NRAP: variants seen among roughly 807,000 people sequenced by gnomAD.
The protein encoded by NRAP is nebulin-related-anchoring protein.
Under a neutral mutation model 225.9 loss-of-function variants are expected in NRAP, and 189 were observed. That is an observed-to-expected ratio of 0.84 (90% confidence interval 0.74 to 0.94). The LOEUF (loss-of-function observed/expected upper bound fraction) is 0.94. NRAP is among the 40% of genes least tolerant of loss of function. NRAP has a pLI of 0.00. For synonymous variants in NRAP, 769 were observed against 790.7 expected (o/e 0.97, Z 0.46); for missense variants, 2,176 against 2,168.7 (o/e 1.00, Z -0.07).
chr10:113,655,164 A>G (rs1850230337), intron 4 of NRAP, among the ~76,000 whole-genome samples: 1 of 152,242 alleles, frequency 6.6e-6, no homozygotes, highest in African/African-American at 2.4e-5. Context: ...CACTTATCTG[A>G]CAATACCAAG....
intron 5 of NRAP, among the ~76,000 whole-genome samples, chr10:113,653,518 A>G (rs959390544): frequency 5.9e-5 from 9 of 152,220 alleles, no homozygotes; most frequent in African/African-American, 2.2e-4. Flanking sequence ...TTTTCTAAAG[A>G]AAAGTCATGA....
intron 18 of NRAP, among the ~76,000 whole-genome samples, chr10:113,631,015 A>C (rs1848544409): frequency 6.6e-6 from 1 of 152,080 alleles, no homozygotes; most frequent in Non-Finnish European, 1.5e-5. Context: ...TCCAGCTATT[A>C]CAGTTGTTTA....
chr10:113,648,465 CTCTA>C (rs1236467182), intron 9 of NRAP, among the ~76,000 whole-genome samples: 266 of 105,268 alleles, frequency 2.5e-3, no homozygotes, highest in African/African-American at 8.1e-3. Context: ...CTCTCTCTCT[CTCTA>C]TATATATATA....
chr10:113,608,470 C>T lies in NRAP; in HGVS notation c.3646G>A (p.Val1216Met), dbSNP rs543559358. The T allele has an allele frequency of 1.2e-6, 2 of 1,613,732 alleles. No homozygotes were observed. Among genetic ancestry groups the T allele is most frequent in the Admixed American group, 1.7e-5 (1 of 59,978 alleles). ...TGAAGGAGGTTGGGAGTGTCTGTCACAGCTGTGTACTTGAATGAGTGGGGA... is the reference window on the plus strand; with the variant it reads ...TGAAGGAGGTTGGGAGTGTCTGTCATAGCTGTGTACTTGAATGAGTGGGGA... ...QHPHSFKYTA[V>M]TDTPNLLHAK... Residue 1216 changes from valine (V) to methionine (M), a missense_variant, in exon 32 of 42, where the codon GTG becomes ATG. Coordinates refer to ENST00000359988, the MANE Select transcript of NRAP (RefSeq NM_198060.4).
chr10:113,650,189 A>G, intron 8 of NRAP, 48 bp from the exon 9 acceptor site: 1 of 1,155,582 alleles, frequency 8.7e-7, no homozygotes, highest in Non-Finnish European at 1.3e-6. Flanking sequence ...TCCCATGCAC[A>G]GGAGCCAAAA....
At chr10:113,590,957 G>A (rs1845946822) in intron 39 of NRAP, 68 bp from the exon 40 acceptor site, 4 of 1,386,604 alleles carry the variant, frequency 2.9e-6, no homozygotes, top group South Asian at 1.3e-5. Flanking sequence ...TCACATATGG[G>A]GCCATCCCAG....
At chr10:113,616,619 A>G (rs1198380124) in intron 26 of NRAP, among the ~76,000 whole-genome samples, 2 of 152,256 alleles carry the variant, frequency 1.3e-5, no homozygotes, top group African/African-American at 4.8e-5. Flanking sequence ...AGATTCTGAC[A>G]GGCACTCAGG....
At chr10:113,640,467 T>C (rs750774756) in intron 13 of NRAP, 136 bp from the exon 14 acceptor site, 87 of 534,338 alleles carry the variant, frequency 1.6e-4, no homozygotes, top group Non-Finnish European at 2.6e-4. Flanking sequence ...AAAATTAAAT[T>C]ATGTTCACAC....
intron 23 of NRAP, 72 bp from the exon 24 acceptor site, chr10:113,622,252 A>T: frequency 9.7e-7 from 1 of 1,026,318 alleles, no homozygotes; most frequent in South Asian, 1.5e-5. Context: ...GACTCCATGC[A>T]TGGGAGCTGA....
intron 26 of NRAP, 26 bp downstream of exon 26, chr10:113,617,429 C>A: frequency 7.9e-7 from 1 of 1,272,884 alleles, no homozygotes; most frequent in Non-Finnish European, 1.2e-6. Context: ...CTCTTAGAGT[C>A]ATAATGTATA....
chr10:113,633,237 G>C (rs1285644181), intron 15 of NRAP, 49 bp from the exon 16 acceptor site: 2 of 1,038,238 alleles, frequency 1.9e-6, no homozygotes, highest in East Asian at 2.4e-5. Flanking sequence ...GGCAGAAAGA[G>C]AACTTTAGGG....
chr10:113,654,688 T>TC (rs1251700873), intron 4 of NRAP, among the ~76,000 whole-genome samples: 4 of 152,250 alleles, frequency 2.6e-5, no homozygotes, highest in African/African-American at 9.6e-5. Context: ...AAGAGATGGG[T>TC]CCCATATGGG....
chr10:113,594,025 T>C (rs1846142604), intron 38 of NRAP, among the ~76,000 whole-genome samples: 1 of 152,230 alleles, frequency 6.6e-6, no homozygotes, highest in African/African-American at 2.4e-5. Flanking sequence ...ACTTCCTCCC[T>C]GAGTTTTTTA....
chr10:113,598,630 T>A (rs1846424744), intron 35 of NRAP, among the ~76,000 whole-genome samples: 1 of 152,098 alleles, frequency 6.6e-6, no homozygotes, highest in South Asian at 2.1e-4. Context: ...ACTCTTTAAG[T>A]TAGATTTTTT....
At chr10:113,598,666 G>A (rs548691479) in intron 35 of NRAP, among the ~76,000 whole-genome samples, 2 of 152,230 alleles carry the variant, frequency 1.3e-5, no homozygotes, top group Admixed American at 6.5e-5. Context: ...GTAGTGGAGG[G>A]GGAAAGAAGT....
At chr10:113,590,439 G>T in intron 40 of NRAP, 139 bp downstream of exon 40, 4 of 733,658 alleles carry the variant, frequency 5.5e-6, no homozygotes, top group Non-Finnish European at 6.6e-6. Context: ...ATTCTTTCTG[G>T]CACTAAAGTG....
At chr10:113,651,956 T>A in intron 6 of NRAP, 49 bp from the exon 7 acceptor site, 1 of 1,124,892 alleles carries the variant, frequency 8.9e-7, no homozygotes, top group Non-Finnish European at 1.4e-6. Context: ...CACAGCCTCC[T>A]CAGTGACCTC....
chr10:113,614,441 C>G, intron 28 of NRAP, 145 bp from the exon 29 acceptor site: 1 of 649,370 alleles, frequency 1.5e-6, no homozygotes, highest in Non-Finnish European at 2.8e-6. Context: ...GTCAAAAGGG[C>G]TATTCTTTCA....
At chr10:113,594,737 C>T (rs980518159) in intron 38 of NRAP, among the ~76,000 whole-genome samples, 17 of 152,188 alleles carry the variant, frequency 1.1e-4, no homozygotes, top group Admixed American at 9.2e-4. Context: ...GCTTTACAAA[C>T]GCAACAAACT....
Sources: gnomAD v4.1 joint callset for allele counts (sites outside exome capture counted in the v4.1 genomes callset) on GRCh38, gnomAD v4.1.1 for gene constraint, MANE v1.5 for transcripts, NCBI Gene and HGNC (gene_info 2026-07-23, HGNC 2026-07-21) for gene names.